The following KIF13A variants were observed in gnomAD, a reference collection of about 807,000 sequenced individuals.
KIF13A encodes kinesin-like protein KIF13A.
In KIF13A, 79 loss-of-function variants were observed where a neutral mutation model predicts 212.2. The observed-to-expected ratio is 0.37, with a 90% CI of 0.31 to 0.45. The LOEUF is 0.45. Ranked by LOEUF, KIF13A falls within the 20% of genes least tolerant of loss-of-function variation. The pLI, the probability that KIF13A is intolerant of heterozygous loss-of-function variation, is 1.00. For synonymous variants in KIF13A, 789 were observed against 808.6 expected, an observed-to-expected ratio of 0.98 and a Z score of 0.41; for missense variants, 1,901 against 2,209.0, an observed-to-expected ratio of 0.86 and a Z score of 2.79.
intron 2 of KIF13A, among the ~76,000 whole-genome samples, chr6:17,920,928 A>T (rs979858030): frequency 1.3e-5 from 2 of 152,142 alleles, no homozygotes; most frequent in Admixed American, 6.6e-5. Flanking sequence ...TTGTAAATTG[A>T]AAGTGAACTG....
intron 20 of KIF13A, among the ~76,000 whole-genome samples, chr6:17,802,109 C>A (rs1270254174): frequency 6.6e-6 from 1 of 152,048 alleles, no homozygotes; most frequent in Non-Finnish European, 1.5e-5. Flanking sequence ...CTGCTATCAT[C>A]CTAAACAGGG....
intron 2 of KIF13A, among the ~76,000 whole-genome samples, chr6:17,983,005 C>T (rs1032182755): frequency 6.6e-6 from 1 of 151,870 alleles, no homozygotes; most frequent in Non-Finnish European, 1.5e-5. Flanking sequence ...CCCGTCTCTA[C>T]TAAAAATACA....
rs1007643530 is a variant in KIF13A, at chr6:17,776,440, T to C, written c.4170+837A>G. 6.6e-6 allele frequency among the ~76,000 whole-genome samples: 1 copy of C among 152,236 alleles called. No individual in the cohort carries two copies. Among genetic ancestry groups the C allele is most frequent in the East Asian group, 1.9e-4 (1 of 5,206 alleles). ...CCTAATTTCCATCATAATTTCTTCT[T>C]TGAGAAATGAGTTCATGAAAAGCGT... On this transcript the variant is annotated intron_variant, in intron 34 of 38. Coordinates refer to ENST00000259711, the MANE Select transcript of KIF13A (RefSeq NM_022113.6). This position sits in a 1 kb window ranked among gnomAD's most constrained non-coding sequence, Gnocchi z 4.6.
intron 17 of KIF13A, among the ~76,000 whole-genome samples, chr6:17,814,084 C>T (rs1289467979): frequency 6.6e-6 from 1 of 150,628 alleles, no homozygotes; most frequent in Non-Finnish European, 1.5e-5. Context: ...CCCCGAGTAG[C>T]TGGGACTACA....
chr6:17,816,517 T>A lies in KIF13A; in HGVS notation c.2000+503A>T, dbSNP rs1265374042. Among the ~76,000 whole-genome samples, 2 of 152,010 alleles carry A rather than the reference T, an allele frequency of 1.3e-5. No individual in the cohort carries two copies. The highest frequency in any genetic ancestry group is 2.9e-5 in the Non-Finnish European group (2 of 67,992). On this transcript the variant is annotated intron_variant, in intron 17 of 38. Coordinates refer to ENST00000259711, the MANE Select transcript of KIF13A (RefSeq NM_022113.6). This position sits in a 1 kb window ranked among gnomAD's most constrained non-coding sequence, Gnocchi z 4.3. Reference sequence around the variant, plus strand: ...ACTTTTTGTAGAGACAAGGTCTCACTATGTTGCCTGGGCTGGATTCAAACT... The same window carrying A: ...ACTTTTTGTAGAGACAAGGTCTCACAATGTTGCCTGGGCTGGATTCAAACT...
At chr6:17,798,738 CA>C (rs1477603192) in intron 22 of KIF13A, among the ~76,000 whole-genome samples, 1 of 152,208 alleles carries the variant, frequency 6.6e-6, no homozygotes, top group Non-Finnish European at 1.5e-5. Flanking sequence ...ACATTCACCA[CA>C]AATTCACCTT....
At position 17,764,101 on chromosome 6, in the gene KIF13A, T is replaced by TA; in HGVS notation, c.*8dup. The TA allele has an allele frequency of 6.2e-7, 1 of 1,612,154 alleles. No homozygotes were observed. The highest frequency in any genetic ancestry group is 8.5e-7 in the Non-Finnish European group (1 of 1,178,714). On this transcript the variant is annotated 3_prime_UTR_variant, in exon 39 of 39. Coordinates refer to ENST00000259711, the MANE Select transcript of KIF13A (RefSeq NM_022113.6). This position sits in a 1 kb window ranked among gnomAD's most constrained non-coding sequence, Gnocchi z 5.1. Reference sequence around the variant, plus strand: ...AGGGCCTCTGGGGTTGACATACAGTTAGACATACTCATTGACAGCACAGAA... The same window carrying TA: ...AGGGCCTCTGGGGTTGACATACAGTTAAGACATACTCATTGACAGCACAGAA...
chr6:17,910,832 A>C (rs36118284), intron 2 of KIF13A, among the ~76,000 whole-genome samples: 6,864 of 152,202 alleles, frequency 0.045, 222 homozygotes, highest in East Asian at 0.088. Context: ...GTGTGATCTC[A>C]GCTCACTGCA....
In KIF13A at chr6:17,961,420, C is replaced by G. The variant is rs1778804873; in HGVS notation, c.146+25634G>C. ...TAAAACCACCCCAAAATTGGCCCAA[C>G]AAGCACCAAGCATATTGTAAGCCCT... On this transcript the variant is annotated intron_variant, in intron 2 of 38. Transcript: ENST00000259711. This position sits in a 1 kb window ranked among gnomAD's most constrained non-coding sequence, Gnocchi z 4.1. Among the ~76,000 whole-genome samples the G allele has an allele frequency of 6.6e-6, 1 of 152,226 alleles. No homozygotes were observed. The highest frequency in any genetic ancestry group is 6.5e-5 in the Admixed American group (1 of 15,282).
chr6:17,802,293 CTT>C (rs577749171), intron 20 of KIF13A, among the ~76,000 whole-genome samples: 19 of 140,694 alleles, frequency 1.4e-4, no homozygotes, highest in Admixed American at 2.1e-4. Context: ...TGTTCTTAAG[CTT>C]TTTTTTTTTT....
rs973036309 is a variant in KIF13A at position 17,915,059 on chromosome 6, G to A, written c.147-16879C>T. On this transcript the variant is annotated intron_variant, in intron 2 of 38. Coordinates refer to ENST00000259711, the MANE Select transcript of KIF13A (RefSeq NM_022113.6). The surrounding 1 kb of genome is among the most constrained non-coding windows in gnomAD (Gnocchi z 4.4). ...TCCAAGATTGGTTTTCCATTTATGTGAGAGCTTGTACCTTGAGAGCATTTA... is the reference window on the plus strand; with the variant it reads ...TCCAAGATTGGTTTTCCATTTATGTAAGAGCTTGTACCTTGAGAGCATTTA... Among the ~76,000 whole-genome samples, 6 of 152,140 alleles carry A rather than the reference G, an allele frequency of 3.9e-5. No individual in the cohort carries two copies. The highest frequency in any genetic ancestry group is 8.8e-5 in the Non-Finnish European group (6 of 68,030).
rs571472384 is a variant in KIF13A at position 17,968,522 on chromosome 6, C to A, written c.146+18532G>T. ...TGGCAGTACAGGAAATGAAACATCC[C>A]GACCTCACAACTTTGCCTAGGATAG... On this transcript the variant is annotated intron_variant, in intron 2 of 38. Coordinates refer to ENST00000259711, the MANE Select transcript of KIF13A (RefSeq NM_022113.6). This position sits in a 1 kb window ranked among gnomAD's most constrained non-coding sequence, Gnocchi z 4.7. Among the ~76,000 whole-genome samples, 1 of 151,304 alleles carries A rather than the reference C, an allele frequency of 6.6e-6. No homozygotes were observed. Among genetic ancestry groups the A allele is most frequent in the Non-Finnish European group, 1.5e-5 (1 of 67,742 alleles).
intron 2 of KIF13A, among the ~76,000 whole-genome samples, chr6:17,978,772 T>C (rs553984617): frequency 1.3e-5 from 2 of 152,220 alleles, no homozygotes; most frequent in Non-Finnish European, 2.9e-5. Context: ...TATGAGTATA[T>C]GGCATGTGCA....
At chr6:17,970,673 G>A (rs1779741097) in intron 2 of KIF13A, among the ~76,000 whole-genome samples, 1 of 152,174 alleles carries the variant, frequency 6.6e-6, no homozygotes, top group Admixed American at 6.5e-5. Context: ...CTGGCCATGA[G>A]TGTTAATGAC....
At position 17,825,741 on chromosome 6, in the gene KIF13A, C is replaced by T. The variant is rs374264025; in HGVS notation, c.1786+27G>A. Reference sequence around the variant, plus strand: ...GTGTGAGGTGAGGAAATGCCCAAGGCGCTGGAACACAGAGTGAGGGTCTTA... The same window carrying T: ...GTGTGAGGTGAGGAAATGCCCAAGGTGCTGGAACACAGAGTGAGGGTCTTA... On this transcript the variant is annotated intron_variant, in intron 16 of 38. Transcript: ENST00000259711. This position sits in a 1 kb window ranked among gnomAD's most constrained non-coding sequence, Gnocchi z 4.5. The T allele has an allele frequency of 2.6e-5, 41 of 1,600,112 alleles. No individual in the cohort carries two copies. The highest frequency in any genetic ancestry group is 3.3e-5 in the Non-Finnish European group (39 of 1,172,682).
At chr6:17,976,082 A>AT (rs930353695) in intron 2 of KIF13A, among the ~76,000 whole-genome samples, 10 of 152,266 alleles carry the variant, frequency 6.6e-5, no homozygotes, top group Non-Finnish European at 1.5e-4. Flanking sequence ...TGAGCTAGAC[A>AT]TAAAGCTTCT....
At chr6:17,882,010 A>G (rs1482223305) in intron 3 of KIF13A, 2 of 456,632 alleles carry the variant, frequency 4.4e-6, no homozygotes, top group Non-Finnish European at 8.8e-6. Context: ...AAATAAAAAA[A>G]GAAGTAAGAT....
At chr6:17,983,790 G>C (rs371846159) in intron 2 of KIF13A, among the ~76,000 whole-genome samples, 1 of 151,978 alleles carries the variant, frequency 6.6e-6, no homozygotes, top group African/African-American at 2.4e-5. Flanking sequence ...ACCCAGCCCA[G>C]AACTACCTTG....
intron 20 of KIF13A, among the ~76,000 whole-genome samples, chr6:17,802,932 G>GTTTTTTTTTTTTT (rs750485926): frequency 1.8e-5 from 2 of 111,112 alleles, no homozygotes; most frequent in African/African-American, 3.0e-5. Flanking sequence ...TGTTTTTTTT[G>GTTTTTTTTTTTTT]TTTTTTTTTG....
Sources: gnomAD v4.1 joint callset for allele counts (sites outside exome capture counted in the v4.1 genomes callset) on GRCh38, gnomAD v4.1.1 for gene constraint, Gnocchi (gnomAD v3.1) non-coding constraint, MANE v1.5 for transcripts, NCBI Gene and HGNC (gene_info 2026-07-23, HGNC 2026-07-21) for gene names.